The following MACROD2 variants were observed in gnomAD, a reference collection of about 807,000 sequenced individuals.
The protein encoded by MACROD2 is mono-ADP ribosylhydrolase 2.
MACROD2 carries 36 observed loss-of-function variants against 70.4 expected under a neutral mutation model. The observed-to-expected ratio is 0.51, with a 90% CI of 0.39 to 0.68. The LOEUF (loss-of-function observed/expected upper bound fraction) is 0.68. Among genes scored for constraint, MACROD2 ranks in the 30% least tolerant of loss-of-function variants. The pLI, the probability that MACROD2 is intolerant of heterozygous loss-of-function variation, is 0.00. For missense variants in MACROD2, 496 were observed against 538.4 expected (o/e 0.92, Z 0.78); for synonymous variants, 172 against 178.8 (o/e 0.96, Z 0.30).
At chr20:15,117,973 A>G (rs948086838) in intron 5 of MACROD2, among the ~76,000 whole-genome samples, 7 of 152,026 alleles carry the variant, frequency 4.6e-5, no homozygotes, top group Admixed American at 4.6e-4. Context: ...CCCCACTCCA[A>G]AGAGAATGTG....
At chr20:14,281,556 A>AT (rs1002132897) in intron 3 of MACROD2, among the ~76,000 whole-genome samples, 1 of 152,070 alleles carries the variant, frequency 6.6e-6, no homozygotes, top group African/African-American at 2.4e-5. Flanking sequence ...TTTTTACTTT[A>AT]TTTTTTTAAA....
chr20:14,887,414 T>G (rs1217284141), intron 5 of MACROD2, among the ~76,000 whole-genome samples: 1 of 116,826 alleles, frequency 8.6e-6, no homozygotes, highest in Admixed American at 8.6e-5. Flanking sequence ...TTTTTTTTTT[T>G]GACTGTCTCA....
chr20:14,014,225 C>T (rs2052955281), intron 2 of MACROD2, among the ~76,000 whole-genome samples: 1 of 134,646 alleles, frequency 7.4e-6, no homozygotes, highest in South Asian at 2.9e-4. Flanking sequence ...TTCTTGCTCC[C>T]CCCTCCCCCC....
chr20:15,556,380 T>C (rs1177687434), intron 8 of MACROD2, among the ~76,000 whole-genome samples: 1 of 152,304 alleles, frequency 6.6e-6, no homozygotes, highest in East Asian at 1.9e-4. Context: ...TACTAAGACA[T>C]CTGGTTTTTT....
chr20:14,823,482 G>C (rs2072869788), intron 5 of MACROD2, among the ~76,000 whole-genome samples: 1 of 152,056 alleles, frequency 6.6e-6, no homozygotes, highest in South Asian at 2.1e-4. Flanking sequence ...TGTCATCAGG[G>C]ACCTGGGTTT....
chr20:15,214,834 T>A lies in MACROD2; in HGVS notation c.419-15106T>A, dbSNP rs556122768. Among the ~76,000 whole-genome samples the A allele has an allele frequency of 2.4e-3, 367 of 152,300 alleles. 2 individuals are homozygous for A. Among genetic ancestry groups the A allele is most frequent in the African/African-American group, 8.5e-3 (355 of 41,570 alleles). ...ATTCTATCAAAATACTCTATTGATA[T>A]CATGTGCTGCGGCTTCAAAACACTA... On this transcript the variant is annotated intron_variant, in intron 5 of 17. Transcript: ENST00000684519.
At chr20:16,025,225 A>G (rs1180574952) in intron 15 of MACROD2, among the ~76,000 whole-genome samples, 1 of 152,154 alleles carries the variant, frequency 6.6e-6, no homozygotes, top group East Asian at 1.9e-4. Flanking sequence ...TGGGCCCATT[A>G]TTTGGTGCTC....
At chr20:14,785,896 G>C (rs564430454) in intron 5 of MACROD2, among the ~76,000 whole-genome samples, 6 of 152,074 alleles carry the variant, frequency 3.9e-5, no homozygotes, top group African/African-American at 1.2e-4. Context: ...GAAGAAAAAA[G>C]GGGGAGCAAG....
At position 14,797,317 on chromosome 20, in the gene MACROD2, G is replaced by A. The variant is rs956312038; in HGVS notation, c.418+112358G>A. Among the ~76,000 whole-genome samples, 8 of 152,012 alleles carry A rather than the reference G, an allele frequency of 5.3e-5. 1 individual carries two copies. Among genetic ancestry groups the A allele is most frequent in the Admixed American group, 2.6e-4 (4 of 15,260 alleles). On this transcript the variant is annotated intron_variant, in intron 5 of 17. Transcript: ENST00000684519. Reference sequence around the variant, plus strand: ...CTCCACTTAGTACTCTTCAATGACCGGCCATTGCCTTTGGGATCATGACCA... The same window carrying A: ...CTCCACTTAGTACTCTTCAATGACCAGCCATTGCCTTTGGGATCATGACCA...
intron 8 of MACROD2, among the ~76,000 whole-genome samples, chr20:15,679,166 G>C (rs954674698): frequency 1.3e-5 from 2 of 151,778 alleles, no homozygotes; most frequent in Non-Finnish European, 2.9e-5. Flanking sequence ...GAACCTGGGA[G>C]GTGGAGGTTG....
intron 8 of MACROD2, among the ~76,000 whole-genome samples, chr20:15,677,064 A>C (rs996667570): frequency 6.6e-6 from 1 of 152,246 alleles, no homozygotes; most frequent in African/African-American, 2.4e-5. Context: ...CAAGGTTAAA[A>C]TTAGTAGTGT....
At chr20:14,347,626 G>A (rs1483462934) in intron 3 of MACROD2, among the ~76,000 whole-genome samples, 1 of 152,072 alleles carries the variant, frequency 6.6e-6, no homozygotes, top group Non-Finnish European at 1.5e-5. Context: ...CTTTCCAAAA[G>A]CTGCCACTTT....
chr20:16,048,383 C>T (rs964427329), intron 17 of MACROD2, among the ~76,000 whole-genome samples: 8 of 151,848 alleles, frequency 5.3e-5, no homozygotes, highest in South Asian at 2.1e-4. Context: ...AAATAATTAA[C>T]GACAATAGAA....
intron 8 of MACROD2, among the ~76,000 whole-genome samples, chr20:15,697,963 G>C (rs994570974): frequency 6.6e-6 from 1 of 152,132 alleles, no homozygotes; most frequent in Non-Finnish European, 1.5e-5. Context: ...TGTTAGGTGA[G>C]TCTCCTAAAG....
chr20:14,877,044 G>A (rs756773038), intron 5 of MACROD2, among the ~76,000 whole-genome samples: 1 of 151,930 alleles, frequency 6.6e-6, no homozygotes, highest in Non-Finnish European at 1.5e-5. Context: ...CTGTGTTTGG[G>A]CAGAATGGCC....
At chr20:14,755,836 GA>G (rs1412895751) in intron 5 of MACROD2, among the ~76,000 whole-genome samples, 1 of 151,972 alleles carries the variant, frequency 6.6e-6, no homozygotes, top group East Asian at 1.9e-4. Context: ...AGAACTTCAA[GA>G]AAACCCAAAT....
At chr20:14,186,675 G>A (rs1490237093) in intron 3 of MACROD2, among the ~76,000 whole-genome samples, 1 of 152,056 alleles carries the variant, frequency 6.6e-6, no homozygotes, top group African/African-American at 2.4e-5. Flanking sequence ...TATTACAATA[G>A]CAAAGACATG....
intron 2 of MACROD2, among the ~76,000 whole-genome samples, chr20:14,011,465 C>CG (rs1363288431): frequency 1.3e-5 from 2 of 151,848 alleles, no homozygotes; most frequent in Non-Finnish European, 2.9e-5. Context: ...CATTTCCCCC[C>CG]CTTCAGAATA....
At chr20:15,456,842 T>C (rs2046733631) in intron 7 of MACROD2, among the ~76,000 whole-genome samples, 1 of 152,100 alleles carries the variant, frequency 6.6e-6, no homozygotes, top group Non-Finnish European at 1.5e-5. Flanking sequence ...CCCGGCATAT[T>C]CTAATGTACA....
Sources: gnomAD v4.1 joint callset for allele counts (sites outside exome capture counted in the v4.1 genomes callset) on GRCh38, gnomAD v4.1.1 for gene constraint, MANE v1.5 for transcripts, NCBI Gene and HGNC (gene_info 2026-07-23, HGNC 2026-07-21) for gene names.